The following NT5E variants were observed in gnomAD, a reference collection of about 807,000 sequenced individuals.
NT5E encodes 5'-nucleotidase ecto.
NT5E carries 53 observed loss-of-function variants against 55.1 expected under a neutral mutation model. That is an observed-to-expected ratio of 0.96 (90% CI 0.77 to 1.21). The LOEUF (loss-of-function observed/expected upper bound fraction) is 1.21, where lower values mean the gene tolerates loss of function less well. NT5E is among the 50% of genes most tolerant of loss of function. The pLI, the probability that NT5E is intolerant of heterozygous loss-of-function variation, is 0.00. For missense variants in NT5E, 683 were observed against 724.3 expected, an observed-to-expected ratio of 0.94 and a Z score of 0.65; for synonymous variants, 270 against 278.4, an observed-to-expected ratio of 0.97 and a Z score of 0.30.
intron 4 of NT5E, 125 bp downstream of exon 4, chr6:85,485,557 TCTTC>T: frequency 1.0e-6 from 1 of 1,004,408 alleles, no homozygotes; most frequent in South Asian, 1.4e-5. Context: ...GAATTTAGTT[TCTTC>T]CTTGAGTTTG....
At chr6:85,480,637 A>G (rs1769528464) in intron 3 of NT5E, among the ~76,000 whole-genome samples, 2 of 152,126 alleles carry the variant, frequency 1.3e-5, no homozygotes, top group African/African-American at 4.8e-5. Flanking sequence ...CTGTGCTCGG[A>G]GGGGCTCTGG....
In NT5E at chr6:85,490,077, C is replaced by G. The variant is rs187282959; in HGVS notation, c.1211-431C>G. ...ATCAACTACACAAATACTCAAGACA[C>G]TCTTGTAGCCCTCCCTGATTTACTG... is the stretch of plus-strand genomic sequence containing the variant. On this transcript the variant is annotated intron_variant, in intron 6 of 8. Coordinates refer to ENST00000257770, the MANE Select transcript of NT5E (RefSeq NM_002526.4). Among the ~76,000 whole-genome samples the G allele has an allele frequency of 2.5e-3, 383 of 152,316 alleles. 3 individuals are homozygous for G. Among genetic ancestry groups the G allele is most frequent in the Non-Finnish European group, 3.6e-3 (242 of 68,028 alleles).
intron 1 of NT5E, among the ~76,000 whole-genome samples, chr6:85,464,845 G>C (rs932402831): frequency 6.6e-6 from 1 of 152,096 alleles, no homozygotes; most frequent in Non-Finnish European, 1.5e-5. Flanking sequence ...GTGAGGGAGA[G>C]GGAAGAGGGT....
intron 5 of NT5E, 49 bp from the exon 6 acceptor site, chr6:85,489,444 TA>T: frequency 7.5e-7 from 1 of 1,341,144 alleles, no homozygotes; most frequent in African/African-American, 1.5e-5. Flanking sequence ...GAGCTGATCC[TA>T]AGGAAGAAGA....
chr6:85,478,332 G>T (rs1454518706), intron 3 of NT5E, among the ~76,000 whole-genome samples: 1 of 152,212 alleles, frequency 6.6e-6, no homozygotes, highest in Admixed American at 6.5e-5. Context: ...AGGTCATTTG[G>T]CAGGGTAGAA....
In NT5E at chr6:85,485,090, A is replaced by C. The variant is rs989217810; in HGVS notation, c.752-145A>C. On this transcript the variant is annotated intron_variant, in intron 3 of 8. Transcript: ENST00000257770. Reference sequence around the variant, plus strand: ...TTTGGAAATGGGCAAATGCCCAGATAGGGCTCTGAAAGACTAGCTATGTAG... The same window carrying C: ...TTTGGAAATGGGCAAATGCCCAGATCGGGCTCTGAAAGACTAGCTATGTAG... 2.1e-5 allele frequency: 16 copies of C among 759,112 alleles called. No homozygotes were observed. The African/African-American group carries it at 2.8e-4, about 13-fold the overall frequency. The allele number at this position is 759,112 out of a possible 1,614,324, so 47.0% of individuals were successfully genotyped here.
At chr6:85,474,755 C>T (rs1016840617) in intron 3 of NT5E, among the ~76,000 whole-genome samples, 2 of 152,020 alleles carry the variant, frequency 1.3e-5, no homozygotes, top group Non-Finnish European at 2.9e-5. Flanking sequence ...ATAGGGAGAC[C>T]CCCATATCTA....
intron 1 of NT5E, among the ~76,000 whole-genome samples, chr6:85,457,453 T>C (rs1769010724): frequency 6.6e-6 from 1 of 152,218 alleles, no homozygotes; most frequent in Non-Finnish European, 1.5e-5. Flanking sequence ...CTAATCTGCC[T>C]ACATCACTTG....
intron 3 of NT5E, among the ~76,000 whole-genome samples, chr6:85,484,928 A>G (rs991277208): frequency 1.3e-5 from 2 of 152,220 alleles, no homozygotes; most frequent in Non-Finnish European, 2.9e-5. Context: ...ATGGAGCCAC[A>G]GTGAACCTGG....
intron 3 of NT5E, among the ~76,000 whole-genome samples, chr6:85,484,160 C>T (rs1215402265): frequency 6.6e-6 from 1 of 152,158 alleles, no homozygotes; most frequent in Non-Finnish European, 1.5e-5. Context: ...TCTCTGGACC[C>T]TCTGTAAATA....
intron 3 of NT5E, among the ~76,000 whole-genome samples, chr6:85,479,026 C>T (rs887994232): frequency 2.0e-5 from 3 of 152,022 alleles, no homozygotes; most frequent in East Asian, 1.9e-4. Flanking sequence ...GGTCATAAGG[C>T]GGTAGGACTA....
At chr6:85,459,853 A>G (rs1769058921) in intron 1 of NT5E, among the ~76,000 whole-genome samples, 1 of 152,244 alleles carries the variant, frequency 6.6e-6, no homozygotes, top group African/African-American at 2.4e-5. Flanking sequence ...AATAAGACCC[A>G]GAAGGTCATA....
chr6:85,484,485 T>C (rs1769609217), intron 3 of NT5E, among the ~76,000 whole-genome samples: 1 of 152,086 alleles, frequency 6.6e-6, no homozygotes, highest in South Asian at 2.1e-4. Flanking sequence ...CATCTCCCCT[T>C]TGAGACAGAG....
intron 3 of NT5E, among the ~76,000 whole-genome samples, chr6:85,477,877 T>C (rs1035659902): frequency 6.6e-6 from 1 of 152,036 alleles, no homozygotes; most frequent in Non-Finnish European, 1.5e-5. Context: ...CTGAGTGTGG[T>C]TGGGCATGTT....
At chr6:85,490,975 T>G (rs1048542027) in intron 7 of NT5E, 1 of 493,242 alleles carries the variant, frequency 2.0e-6, no homozygotes, top group Non-Finnish European at 4.0e-6. Flanking sequence ...AAGCATTCAA[T>G]TATTTTTTTT....
At chr6:85,454,039 C>G (rs142062996) in intron 1 of NT5E, among the ~76,000 whole-genome samples, 409 of 152,260 alleles carry the variant, frequency 2.7e-3, no homozygotes, top group Non-Finnish European at 4.4e-3. Context: ...GCCCTAGATG[C>G]CCTTATACCT....
chr6:85,493,840 G>C lies in NT5E; in HGVS notation c.1562-1G>C. The C allele has an allele frequency of 6.2e-7, 1 of 1,611,138 alleles. No individual in the cohort carries two copies. The highest frequency in any genetic ancestry group is 2.2e-5 in the East Asian group (1 of 44,830). Reference sequence around the variant, plus strand: ...TTAAAATAATGTATATGTTTTTCTAGGTGACCAAGATATCAACGTGGTTTC... The same window carrying C: ...TTAAAATAATGTATATGTTTTTCTACGTGACCAAGATATCAACGTGGTTTC... On this transcript the variant is annotated splice_acceptor_variant, in intron 8 of 8. Transcript: ENST00000257770. LOFTEE classifies it high-confidence loss of function.
rs199573247 is a variant in NT5E, at chr6:85,467,262, C to A, written c.542C>A (p.Thr181Asn). Residue 181 changes from threonine to asparagine, a missense_variant, in exon 2 of 9, where the codon ACC (threonine) becomes AAC (asparagine). Coordinates refer to ENST00000257770, the MANE Select transcript of NT5E (RefSeq NM_002526.4). Reference sequence around the variant, plus strand: ...ATCGTTGGATACACTTCCAAAGAAACCCCTTTTCTCTCAAATCCAGGTATT... The same window carrying A: ...ATCGTTGGATACACTTCCAAAGAAAACCCTTTTCTCTCAAATCCAGGTATT... ...VGIVGYTSKE[T>N]PFLSNPGTNL... 14 of 1,614,076 alleles carry A rather than the reference C, an allele frequency of 8.7e-6. No individual in the cohort carries two copies. The highest frequency in any genetic ancestry group is 3.3e-5 in the Admixed American group (2 of 60,018).
chr6:85,451,413 G>T (rs1368904398), intron 1 of NT5E, among the ~76,000 whole-genome samples: 1 of 152,112 alleles, frequency 6.6e-6, no homozygotes, highest in Non-Finnish European at 1.5e-5. Flanking sequence ...TTAGGTTAAA[G>T]GTAATGCCTT....
Sources: allele counts gnomAD v4.1 joint callset (sites outside exome capture counted in the v4.1 genomes callset), GRCh38; gene constraint gnomAD v4.1.1; transcripts MANE v1.5; gene names NCBI Gene and HGNC (gene_info 2026-07-23, HGNC 2026-07-21).